The following HSD17B12 variants were observed in gnomAD, a reference collection of about 807,000 sequenced individuals.
HSD17B12 encodes the protein very-long-chain 3-oxoacyl-CoA reductase.
In HSD17B12, 32 loss-of-function variants were observed where a neutral mutation model predicts 39.3. That is an observed-to-expected ratio of 0.81 (90% CI 0.61 to 1.09). The LOEUF (loss-of-function observed/expected upper bound fraction) is 1.09. HSD17B12 is among the 50% of genes least tolerant of loss of function. The probability of loss-of-function intolerance (pLI) is 0.00; values close to 1 mark genes in which losing one functional copy is unlikely to be tolerated. For missense variants in HSD17B12, 342 were observed against 382.9 expected, an observed-to-expected ratio of 0.89 and a Z score of 0.89; for synonymous variants, 150 against 146.7, an observed-to-expected ratio of 1.02 and a Z score of -0.16.
intron 10 of HSD17B12, 87 bp downstream of exon 10, chr11:43,854,951 A>C: frequency 1.5e-6 from 2 of 1,348,724 alleles, no homozygotes; most frequent in Non-Finnish European, 2.1e-6. Flanking sequence ...GTAATAGATT[A>C]GCACATATAC....
Position 43,838,395 on chromosome 11 carries a change from C to T in HSD17B12, c.615C>T (p.Thr205=), listed in dbSNP as rs148024412. 2,037 of 1,607,450 alleles carry T rather than the reference C, an allele frequency of 1.3e-3. No individual in the cohort carries two copies. Among genetic ancestry groups the T allele is most frequent in the Non-Finnish European group, 1.7e-3 (1,941 of 1,174,250 alleles). The change falls in exon 8 of 11, where the codon ACC becomes ACT. Residue 205 remains threonine, a synonymous_variant. Transcript: ENST00000278353. ...PVPLLTIYSA[T]KTFVDFFSQC... ...CACTCTTGACCATCTATTCTGCAAC[C>T]AAGGTAAAAAATATTTTCTTAAATC...
At chr11:43,606,469 C>T in the HSD17B12 span, among the ~76,000 whole-genome samples, 3 of 152,308 alleles carry the variant, frequency 2.0e-5, no homozygotes, top group African/African-American at 7.2e-5. Context: ...AACAATCATC[C>T]TACCTGTCTA....
chr11:43,737,111 A>C (rs866927178), intron 1 of HSD17B12, among the ~76,000 whole-genome samples: 1 of 152,194 alleles, frequency 6.6e-6, no homozygotes, highest in Non-Finnish European at 1.5e-5. Context: ...TCGGGGGGAA[A>C]AAAGAGTCAC....
chr11:43,620,821 G>A, the HSD17B12 span, among the ~76,000 whole-genome samples: 2 of 152,170 alleles, frequency 1.3e-5, no homozygotes, highest in Non-Finnish European at 2.9e-5. Flanking sequence ...GCACTGGTTT[G>A]CTAATTTGCT....
Position 43,736,219 on chromosome 11 carries a change from C to T in HSD17B12, c.161-14692C>T, listed in dbSNP as rs781771169. ...GGGTTATGGTGCCACCAGAAGGAATCGCAGGGCCTTGCCTGGAAGTCGGCC... is the reference window on the plus strand; with the variant it reads ...GGGTTATGGTGCCACCAGAAGGAATTGCAGGGCCTTGCCTGGAAGTCGGCC... On this transcript the variant is annotated intron_variant, in intron 1 of 10. Transcript: ENST00000278353. 9.9e-5 allele frequency among the ~76,000 whole-genome samples: 15 copies of T among 152,018 alleles called. No individual in the cohort carries two copies. The Middle Eastern group carries it at 0.01, about 104-fold the overall frequency.
At chr11:43,625,332 T>A in the HSD17B12 span, among the ~76,000 whole-genome samples, 3 of 151,556 alleles carry the variant, frequency 2.0e-5, no homozygotes, top group African/African-American at 7.2e-5. Flanking sequence ...TGTGGTAACA[T>A]ACTGGTCATA....
At chr11:43,561,976 T>C in the HSD17B12 span, among the ~76,000 whole-genome samples, 1 of 152,198 alleles carries the variant, frequency 6.6e-6, no homozygotes. Flanking sequence ...GCTATGAATT[T>C]GGCATCAAAC....
intron 1 of HSD17B12, among the ~76,000 whole-genome samples, chr11:43,712,709 C>T (rs1283542170): frequency 3.3e-5 from 5 of 152,052 alleles, no homozygotes; most frequent in Non-Finnish European, 7.4e-5. Flanking sequence ...GAGGCTGTGT[C>T]ATGGGTGCGT....
At chr11:43,691,101 C>A (rs979737633) in intron 1 of HSD17B12, among the ~76,000 whole-genome samples, 1 of 152,174 alleles carries the variant, frequency 6.6e-6, no homozygotes, top group Admixed American at 6.5e-5. Context: ...GTGTTCTGGA[C>A]TTCCTTATTT....
chr11:43,694,293 C>T (rs765116335), intron 1 of HSD17B12, among the ~76,000 whole-genome samples: 3 of 152,092 alleles, frequency 2.0e-5, no homozygotes, highest in Non-Finnish European at 4.4e-5. Context: ...TGACTCTAGG[C>T]TCCATGTTCT....
At chr11:43,719,047 C>G in intron 1 of HSD17B12, 3 of 856,776 alleles carry the variant, frequency 3.5e-6, no homozygotes, top group East Asian at 2.4e-5. Context: ...TGGCCAAGGT[C>G]AACACCCTGA....
At chr11:43,680,063 TTTC>T (rs1460610710), upstream of HSD17B12, among the ~76,000 whole-genome samples, 1 of 36,952 alleles carries the variant, frequency 2.7e-5, no homozygotes, top group African/African-American at 4.5e-5. Context: ...TCCACACCTA[TTTC>T]TTTTCTTTTT....
chr11:43,835,620 A>G (rs772956830), intron 7 of HSD17B12, among the ~76,000 whole-genome samples: 2 of 152,152 alleles, frequency 1.3e-5, no homozygotes, highest in Non-Finnish European at 2.9e-5. Flanking sequence ...ACTTTGGTAC[A>G]ATTTTAAATG....
At chr11:43,620,348 A>T in the HSD17B12 span, among the ~76,000 whole-genome samples, 1 of 152,232 alleles carries the variant, frequency 6.6e-6, no homozygotes, top group African/African-American at 2.4e-5. Context: ...TCAGTGTTAC[A>T]TAGTGAGAAA....
At chr11:43,797,217 A>G (rs1304848948) in intron 3 of HSD17B12, among the ~76,000 whole-genome samples, 1 of 152,236 alleles carries the variant, frequency 6.6e-6, no homozygotes, top group East Asian at 1.9e-4. Flanking sequence ...TTAATCCTGC[A>G]TGCTCTGTGA....
chr11:43,781,226 C>A lies in HSD17B12; in HGVS notation c.284-17094C>A, dbSNP rs138342659. Among the ~76,000 whole-genome samples the A allele has an allele frequency of 2.2e-3, 333 of 152,282 alleles. 1 individual carries two copies. Among genetic ancestry groups the A allele is most frequent in the African/African-American group, 7.7e-3 (318 of 41,562 alleles). On this transcript the variant is annotated intron_variant, in intron 3 of 10. Coordinates refer to ENST00000278353, the MANE Select transcript of HSD17B12 (RefSeq NM_016142.3). ...CAATACAATGAATTCTTCCTTTGAT[C>A]TGTGCCCTTAACGCTATGTTTTTGA...
At chr11:43,746,936 G>A (rs1347643431) in intron 1 of HSD17B12, among the ~76,000 whole-genome samples, 1 of 152,194 alleles carries the variant, frequency 6.6e-6, no homozygotes, top group African/African-American at 2.4e-5. Context: ...GCTGCTGACT[G>A]TATGTGGTTT....
the HSD17B12 span, among the ~76,000 whole-genome samples, chr11:43,559,243 T>G: frequency 6.6e-6 from 1 of 152,138 alleles, no homozygotes; most frequent in Non-Finnish European, 1.5e-5. Flanking sequence ...GGGAAGTGGT[T>G]ACAAGAAAAA....
chr11:43,719,150 T>C (rs1220663426), intron 1 of HSD17B12: 3 of 756,870 alleles, frequency 4.0e-6, no homozygotes, highest in Non-Finnish European at 7.2e-6. Context: ...CATCTAAACT[T>C]AGTCCAGATG....
Sources: allele counts gnomAD v4.1 joint callset (sites outside exome capture counted in the v4.1 genomes callset), GRCh38; gene constraint gnomAD v4.1.1; transcripts MANE v1.5; gene names NCBI Gene and HGNC (gene_info 2026-07-23, HGNC 2026-07-21).